NKAIN3: variants seen among roughly 807,000 people sequenced by gnomAD.
The protein encoded by NKAIN3 is sodium/potassium transporting ATPase interacting 3.
A neutral mutation model predicts 30.2 loss-of-function variants in NKAIN3; 25 were observed. The observed-to-expected ratio is 0.83, with a 90% CI of 0.60 to 1.16. NKAIN3 has a LOEUF of 1.16. NKAIN3 is among the 50% of genes most tolerant of loss of function. The pLI is 0.00. For synonymous variants in NKAIN3, 91 were observed against 89.6 expected, an observed-to-expected ratio of 1.02 and a Z score of -0.09; for missense variants, 225 against 254.1, an observed-to-expected ratio of 0.89 and a Z score of 0.78.
At chr8:62,580,977 C>T (rs1042261471) in intron 2 of NKAIN3, among the ~76,000 whole-genome samples, 19 of 148,802 alleles carry the variant, frequency 1.3e-4, no homozygotes, top group Admixed American at 1.1e-3. Flanking sequence ...CATTGGGGGG[C>T]CTGTGGTCCC....
intron 4 of NKAIN3, among the ~76,000 whole-genome samples, chr8:62,909,697 T>C (rs564437333): frequency 8.2e-6 from 1 of 121,680 alleles, no homozygotes; most frequent in African/African-American, 3.1e-5. Flanking sequence ...TTAATCACAA[T>C]AGCAAAAGTA....
intron 4 of NKAIN3, among the ~76,000 whole-genome samples, chr8:62,805,162 A>G (rs1818229783): frequency 6.6e-6 from 1 of 152,068 alleles, no homozygotes; most frequent in Non-Finnish European, 1.5e-5. Context: ...GGATACAAAC[A>G]AATGGAAGAA....
intron 1 of NKAIN3, among the ~76,000 whole-genome samples, chr8:62,526,250 A>G (rs1223367002): frequency 6.6e-6 from 1 of 152,168 alleles, no homozygotes; most frequent in Non-Finnish European, 1.5e-5. Flanking sequence ...AAGGGTTATT[A>G]CAAAGAACAA....
intron 1 of NKAIN3, among the ~76,000 whole-genome samples, chr8:62,375,451 C>G (rs372391336): frequency 6.6e-6 from 1 of 152,156 alleles, no homozygotes; most frequent in Non-Finnish European, 1.5e-5. Flanking sequence ...AGGGAGAGCT[C>G]AGACCTGAGA....
At position 62,438,844 on chromosome 8, in the gene NKAIN3, C is replaced by T. The variant is rs368200204; in HGVS notation, c.55-140695C>T. ...TCCCAGAGTGTTGGGATTACAGGTG[C>T]GAGCCACTGAGCCTGGCCAGGAACA... is the stretch of plus-strand genomic sequence containing the variant. On this transcript the variant is annotated intron_variant, in intron 1 of 6. Coordinates refer to ENST00000623646, the MANE Select transcript of NKAIN3 (RefSeq NM_001304533.3). 3.7e-3 allele frequency among the ~76,000 whole-genome samples: 558 copies of T among 152,134 alleles called. 3 individuals are homozygous for T. Among genetic ancestry groups the T allele is most frequent in the African/African-American group, 5.0e-3 (209 of 41,510 alleles).
At chr8:62,363,310 G>A (rs1461456407) in intron 1 of NKAIN3, among the ~76,000 whole-genome samples, 1 of 152,140 alleles carries the variant, frequency 6.6e-6, no homozygotes, top group Non-Finnish European at 1.5e-5. Flanking sequence ...ATGGGCCAGG[G>A]TCTTGTAAGG....
At chr8:62,452,704 CT>C (rs1805685501) in intron 1 of NKAIN3, among the ~76,000 whole-genome samples, 1 of 152,014 alleles carries the variant, frequency 6.6e-6, no homozygotes, top group South Asian at 2.1e-4. Context: ...TAATTTATCC[CT>C]TATCATTACT....
chr8:62,678,294 A>G (rs1813541410), intron 3 of NKAIN3, among the ~76,000 whole-genome samples: 1 of 152,196 alleles, frequency 6.6e-6, no homozygotes, highest in South Asian at 2.1e-4. Flanking sequence ...ATAGGCTGTA[A>G]GAAACTTGAA....
chr8:62,849,455 T>TCATGACA (rs1554584157), intron 4 of NKAIN3, among the ~76,000 whole-genome samples: 31 of 151,974 alleles, frequency 2.0e-4, no homozygotes, highest in Non-Finnish European at 2.5e-4. Context: ...TGGAAATTTT[T>TCATGACA]TTTATTATTA....
intron 4 of NKAIN3, among the ~76,000 whole-genome samples, chr8:62,839,723 C>T (rs533863904): frequency 2.0e-4 from 31 of 152,040 alleles, no homozygotes; most frequent in Non-Finnish European, 3.8e-4. Context: ...TCAAGCAATC[C>T]TCCTGCCTCA....
intron 1 of NKAIN3, among the ~76,000 whole-genome samples, chr8:62,254,245 A>G (rs898009629): frequency 4.0e-5 from 6 of 151,488 alleles, no homozygotes; most frequent in African/African-American, 1.5e-4. Context: ...TCTGTTTTAG[A>G]TACTTTAAGA....
At chr8:62,649,901 G>A (rs1812576387) in intron 3 of NKAIN3, among the ~76,000 whole-genome samples, 1 of 152,072 alleles carries the variant, frequency 6.6e-6, no homozygotes, top group African/African-American at 2.4e-5. Flanking sequence ...CAACTGCAAA[G>A]TCCCCGTGAT....
intron 3 of NKAIN3, among the ~76,000 whole-genome samples, chr8:62,703,986 GGTCCA>G (rs1233395195): frequency 1.3e-5 from 2 of 151,994 alleles, no homozygotes; most frequent in Non-Finnish European, 2.9e-5. Context: ...ATTGGATATT[GGTCCA>G]TTTTCATCCA....
At chr8:62,388,413 A>G (rs966685175) in intron 1 of NKAIN3, among the ~76,000 whole-genome samples, 3 of 152,240 alleles carry the variant, frequency 2.0e-5, no homozygotes, top group Non-Finnish European at 4.4e-5. Context: ...TGATTTGAAA[A>G]ACAAAGCTAA....
intron 1 of NKAIN3, among the ~76,000 whole-genome samples, chr8:62,474,673 A>G (rs942720263): frequency 6.6e-6 from 1 of 152,236 alleles, no homozygotes; most frequent in African/African-American, 2.4e-5. Context: ...CTCTAAAAAT[A>G]TGTTTCAAAA....
At chr8:62,629,463 C>A (rs913930767) in intron 3 of NKAIN3, among the ~76,000 whole-genome samples, 2 of 152,122 alleles carry the variant, frequency 1.3e-5, no homozygotes. Flanking sequence ...GAACAATGCT[C>A]TTGCCTTCAT....
chr8:62,863,231 T>A (rs1207934080), intron 4 of NKAIN3: 1 of 1,568,702 alleles, frequency 6.4e-7, no homozygotes, highest in Non-Finnish European at 8.7e-7. Context: ...CTCTTCTGTT[T>A]ATTTTTCAGT....
intron 3 of NKAIN3, among the ~76,000 whole-genome samples, chr8:62,623,462 A>G (rs890701475): frequency 5.3e-5 from 8 of 152,130 alleles, no homozygotes; most frequent in African/African-American, 1.2e-4. Flanking sequence ...TCACTTATAC[A>G]TAAGTATATG....
At chr8:62,782,031 C>T (rs977465542) in intron 4 of NKAIN3, among the ~76,000 whole-genome samples, 5 of 151,894 alleles carry the variant, frequency 3.3e-5, no homozygotes, top group Non-Finnish European at 7.4e-5. Flanking sequence ...CACTTGCAAA[C>T]TACTTATTCA....
Sources: allele counts gnomAD v4.1 joint callset (sites outside exome capture counted in the v4.1 genomes callset), GRCh38; gene constraint gnomAD v4.1.1; transcripts MANE v1.5; gene names NCBI Gene and HGNC (gene_info 2026-07-23, HGNC 2026-07-21).